The following TGFA variants were observed in gnomAD, a reference collection of about 807,000 sequenced individuals.
The protein encoded by TGFA is protransforming growth factor alpha.
In TGFA, 12 loss-of-function variants were observed where a neutral mutation model predicts 21.7. That is an observed-to-expected ratio of 0.55 (90% confidence interval 0.35 to 0.90). The LOEUF is 0.90. Ranked by LOEUF, TGFA falls within the 40% of genes least tolerant of loss-of-function variation. The pLI is 0.01. For synonymous variants in TGFA, 79 were observed against 88.1 expected, an observed-to-expected ratio of 0.90 and a Z score of 0.58; for missense variants, 178 against 210.8, an observed-to-expected ratio of 0.84 and a Z score of 0.96.
intron 1 of TGFA, among the ~76,000 whole-genome samples, chr2:70,546,166 C>T (rs1673295398): frequency 6.6e-6 from 1 of 152,104 alleles, no homozygotes; most frequent in South Asian, 2.1e-4. Flanking sequence ...TACAAGAATG[C>T]CTGTTGTATT....
intron 1 of TGFA, among the ~76,000 whole-genome samples, chr2:70,524,001 A>T (rs900883955): frequency 6.6e-6 from 1 of 152,284 alleles, no homozygotes; most frequent in Middle Eastern, 3.4e-3. Context: ...TAAAAAAGGC[A>T]CAGAGACCCT....
At chr2:70,525,706 G>T (rs1553502889) in intron 1 of TGFA, among the ~76,000 whole-genome samples, 11 of 152,036 alleles carry the variant, frequency 7.2e-5, no homozygotes. Flanking sequence ...TGGACGGGGT[G>T]GTACTCAGAT....
chr2:70,552,225 T>C (rs1553506922), intron 1 of TGFA, among the ~76,000 whole-genome samples: 1 of 152,148 alleles, frequency 6.6e-6, no homozygotes, highest in Non-Finnish European at 1.5e-5. Flanking sequence ...ATAATGAGAA[T>C]AATATTAACA....
intron 1 of TGFA, among the ~76,000 whole-genome samples, chr2:70,535,478 C>A (rs34366198): frequency 0.13 from 20,316 of 152,194 alleles, 1,978 homozygotes; most frequent in African/African-American, 0.27. Flanking sequence ...TTATTCATTC[C>A]ATTGCCTCTA....
In TGFA at chr2:70,534,933, C is replaced by T. The variant is rs114803365; in HGVS notation, c.40+18795G>A. 3.2e-3 allele frequency among the ~76,000 whole-genome samples: 481 copies of T among 152,292 alleles called. 8 individuals carry two copies. Among genetic ancestry groups the T allele is most frequent in the African/African-American group, 0.011 (465 of 41,550 alleles). ...ATATGGAGAGTCAGAATGGAAGCAG[C>T]ATGGCTAGGATGGCAGGCAAGGGTC... is the stretch of plus-strand genomic sequence containing the variant. On this transcript the variant is annotated intron_variant, in intron 1 of 5. Coordinates refer to ENST00000295400, the MANE Select transcript of TGFA (RefSeq NM_003236.4).
chr2:70,511,260 T>A (rs1421352519), intron 2 of TGFA, among the ~76,000 whole-genome samples: 1 of 152,236 alleles, frequency 6.6e-6, no homozygotes, highest in Non-Finnish European at 1.5e-5. Flanking sequence ...AAAGTCCTTA[T>A]AGCTTTTGTT....
intron 1 of TGFA, among the ~76,000 whole-genome samples, chr2:70,521,864 T>C (rs1672482896): frequency 6.6e-6 from 1 of 152,042 alleles, no homozygotes; most frequent in Admixed American, 6.6e-5. Flanking sequence ...TCACCTGCCT[T>C]GGCCTCCCAA....
At chr2:70,543,416 C>T (rs1487324015) in intron 1 of TGFA, among the ~76,000 whole-genome samples, 1 of 151,466 alleles carries the variant, frequency 6.6e-6, no homozygotes, top group Non-Finnish European at 1.5e-5. Flanking sequence ...ATCCCAGCTA[C>T]TTGGGAGGCT....
intron 2 of TGFA, among the ~76,000 whole-genome samples, chr2:70,494,071 T>C (rs1230188597): frequency 2.0e-5 from 3 of 152,196 alleles, no homozygotes; most frequent in Non-Finnish European, 4.4e-5. Flanking sequence ...CTGGAGATTG[T>C]AGGGGAGAAT....
At chr2:70,533,246 GAGGTACA>G (rs1322911009) in intron 1 of TGFA, among the ~76,000 whole-genome samples, 1 of 152,128 alleles carries the variant, frequency 6.6e-6, no homozygotes, top group Non-Finnish European at 1.5e-5. Flanking sequence ...CTTGTGTTCT[GAGGTACA>G]AGCTGAAAAG....
Position 70,449,641 on chromosome 2 carries a change from A to G in TGFA, c.*1218T>C. ...GGCATCCTGAATGGAAATGAGGAAA[A>G]AAAAATTACTGGAATAGTTTTCCTA... On this transcript the variant is annotated 3_prime_UTR_variant, in exon 6 of 6. Coordinates refer to ENST00000295400, the MANE Select transcript of TGFA (RefSeq NM_003236.4). 4.0e-6 allele frequency: 1 copy of G among 250,182 alleles called. No individual in the cohort carries two copies. The highest frequency in any genetic ancestry group is 8.4e-6 in the Non-Finnish European group (1 of 119,556). 15.5% of individuals were successfully genotyped at this position (250,182 alleles called of 1,614,324 possible). A position where few individuals can be genotyped will look rare whatever the true frequency, so the allele number is the denominator to read the frequency against.
chr2:70,456,541 C>T (rs1297899192), intron 3 of TGFA, 53 bp from the exon 4 acceptor site: 36 of 1,543,110 alleles, frequency 2.3e-5, no homozygotes, highest in African/African-American at 4.1e-5. Context: ...TCTTGTTACC[C>T]TAGCTCTCCA....
chr2:70,482,670 A>G (rs1233885244), intron 2 of TGFA, among the ~76,000 whole-genome samples: 11 of 152,086 alleles, frequency 7.2e-5, no homozygotes, highest in South Asian at 2.1e-4. Context: ...TCACTGTTCA[A>G]TTTAACTTGG....
chr2:70,495,932 T>G (rs2103798619), intron 2 of TGFA, among the ~76,000 whole-genome samples: 1 of 152,338 alleles, frequency 6.6e-6, no homozygotes. Flanking sequence ...ACTGGCTACT[T>G]TTAAGATTTC....
At chr2:70,529,357 G>C (rs1212973228) in intron 1 of TGFA, among the ~76,000 whole-genome samples, 1 of 152,218 alleles carries the variant, frequency 6.6e-6, no homozygotes, top group African/African-American at 2.4e-5. Flanking sequence ...TGGAATCTAG[G>C]TGATTTCCAT....
chr2:70,540,373 C>T (rs1673100353), intron 1 of TGFA, among the ~76,000 whole-genome samples: 1 of 152,196 alleles, frequency 6.6e-6, no homozygotes, highest in African/African-American at 2.4e-5. Flanking sequence ...ACTCGACAGA[C>T]AGACCCAAGT....
chr2:70,530,608 AC>A (rs1226315731), intron 1 of TGFA, among the ~76,000 whole-genome samples: 1 of 152,248 alleles, frequency 6.6e-6, no homozygotes, highest in African/African-American at 2.4e-5. Flanking sequence ...AGGTTGGACA[AC>A]CTTTGTCTAA....
At chr2:70,534,507 C>G (rs1235078485) in intron 1 of TGFA, among the ~76,000 whole-genome samples, 2 of 152,118 alleles carry the variant, frequency 1.3e-5, no homozygotes, top group Non-Finnish European at 2.9e-5. Flanking sequence ...CCTACATCAA[C>G]AGATCACTCT....
chr2:70,522,935 T>C (rs1475883593), intron 1 of TGFA, among the ~76,000 whole-genome samples: 1 of 152,208 alleles, frequency 6.6e-6, no homozygotes, highest in Admixed American at 6.5e-5. Context: ...AAAGGATCCT[T>C]CCAATTCTCA....
Sources: allele counts gnomAD v4.1 joint callset (sites outside exome capture counted in the v4.1 genomes callset), GRCh38; gene constraint gnomAD v4.1.1; transcripts MANE v1.5; gene names NCBI Gene and HGNC (gene_info 2026-07-23, HGNC 2026-07-21).